Variants in NUDT4 observed in about 807,000 individuals in gnomAD.
The protein encoded by NUDT4 is diphosphoinositol polyphosphate phosphohydrolase 2.
In NUDT4, 5 loss-of-function variants were observed where a neutral mutation model predicts 23.1. That is an observed-to-expected ratio of 0.22 (90% CI 0.11 to 0.46). The LOEUF (loss-of-function observed/expected upper bound fraction) is 0.46, where lower values mean the gene tolerates loss of function less well. Ranked by LOEUF, NUDT4 falls within the 20% of genes least tolerant of loss-of-function variation. The probability of loss-of-function intolerance (pLI) is 0.99; values close to 1 mark genes in which losing one functional copy is unlikely to be tolerated. For missense variants in NUDT4, 96 were observed against 211.6 expected, an observed-to-expected ratio of 0.45 and a Z score of 3.39; for synonymous variants, 50 against 79.0, an observed-to-expected ratio of 0.63 and a Z score of 1.95.
intron 1 of NUDT4, among the ~76,000 whole-genome samples, chr12:93,382,830 T>C (rs1241716889): frequency 6.6e-6 from 1 of 151,966 alleles, no homozygotes; most frequent in Non-Finnish European, 1.5e-5. Context: ...CCTGGCTAAT[T>C]TTTTGTATTT....
At chr12:93,395,892 T>C (rs1160094835) in intron 3 of NUDT4, among the ~76,000 whole-genome samples, 3 of 152,166 alleles carry the variant, frequency 2.0e-5, no homozygotes, top group Admixed American at 6.5e-5. Flanking sequence ...AGCTAAGTTT[T>C]GTATTTTTAA....
chr12:93,386,713 T>G (rs1276863893), intron 1 of NUDT4, among the ~76,000 whole-genome samples: 1 of 152,142 alleles, frequency 6.6e-6, no homozygotes, highest in Non-Finnish European at 1.5e-5. Context: ...CTCCAAAATT[T>G]ATGTAAGAAA....
chr12:93,381,248 G>T (rs1426741595), intron 1 of NUDT4, among the ~76,000 whole-genome samples: 2 of 152,104 alleles, frequency 1.3e-5, no homozygotes, highest in Non-Finnish European at 2.9e-5. Context: ...TTGAGCTCTG[G>T]TCCTTTGTTT....
At chr12:93,382,584 G>A (rs1875749813) in intron 1 of NUDT4, among the ~76,000 whole-genome samples, 1 of 151,834 alleles carries the variant, frequency 6.6e-6, no homozygotes, top group Non-Finnish European at 1.5e-5. Flanking sequence ...CATACTCTGG[G>A]GCTCATAGTT....
intron 1 of NUDT4, among the ~76,000 whole-genome samples, chr12:93,379,639 A>C (rs1875505357): frequency 6.6e-6 from 1 of 152,156 alleles, no homozygotes; most frequent in African/African-American, 2.4e-5. Flanking sequence ...CTCACTCATA[A>C]CCTTTACGTA....
chr12:93,395,960 C>A (rs996321355), intron 3 of NUDT4, among the ~76,000 whole-genome samples: 18 of 152,266 alleles, frequency 1.2e-4, no homozygotes, highest in African/African-American at 4.1e-4. Flanking sequence ...ACCTAGTGAT[C>A]CGCCCACCTC....
rs372323321 is a variant in NUDT4 at position 93,405,226 on chromosome 12, C to G, written c.*5847C>G. 3 of 152,272 alleles carry G rather than the reference C, an allele frequency of 2.0e-5. No individual in the cohort carries two copies. In the South Asian group the frequency reaches 6.2e-4, roughly 32 times the overall value. 9.4% of individuals were successfully genotyped at this position (152,272 alleles called of 1,614,324 possible). On this transcript the variant is annotated 3_prime_UTR_variant, in exon 5 of 5. Coordinates refer to ENST00000415493, the MANE Select transcript of NUDT4 (RefSeq NM_019094.6). ...ACCTTAAGCCAGGAGACTTTGTAAACTTACTAGGTTATAATAAAACTTAAG... is the reference window on the plus strand; with the variant it reads ...ACCTTAAGCCAGGAGACTTTGTAAAGTTACTAGGTTATAATAAAACTTAAG...
intron 1 of NUDT4, among the ~76,000 whole-genome samples, chr12:93,392,341 C>T (rs1463820279): frequency 2.9e-4 from 44 of 149,582 alleles, no homozygotes; most frequent in South Asian, 8.6e-4. Flanking sequence ...CTGCAACCTC[C>T]GCCTCCCAGG....
chr12:93,395,470 T>G lies in NUDT4; in HGVS notation c.211-19T>G, dbSNP rs1876867949. The G allele has an allele frequency of 1.3e-6, 2 of 1,567,304 alleles. No homozygotes were observed. Among genetic ancestry groups the G allele is most frequent in the Admixed American group, 1.7e-5 (1 of 59,818 alleles). The stretch of plus-strand genomic sequence containing the variant: ...GTTATAAAAAGGTAAACATTTTATA[T>G]TTCATCTTTTTTTAATAGGCTGGAG... On this transcript the variant is annotated intron_variant, in intron 2 of 4. Transcript: ENST00000415493.
At chr12:93,387,530 T>C (rs993634617) in intron 1 of NUDT4, among the ~76,000 whole-genome samples, 2 of 152,212 alleles carry the variant, frequency 1.3e-5, no homozygotes, top group African/African-American at 2.4e-5. Flanking sequence ...CACTGAACAA[T>C]AGAGCAGGTG....
At chr12:93,392,370 C>T (rs556425129) in intron 1 of NUDT4, among the ~76,000 whole-genome samples, 82 of 150,800 alleles carry the variant, frequency 5.4e-4, no homozygotes, top group Non-Finnish European at 9.1e-4. Context: ...ATTCTCCTGC[C>T]ACAGCCTCCT....
chr12:93,403,318 CTTTT>C lies in NUDT4; in HGVS notation c.*3942_*3945del, dbSNP rs905417565. 17 of 151,936 alleles carry C rather than the reference CTTTT, an allele frequency of 1.1e-4. 1 individual carries two copies. Among genetic ancestry groups the C allele is most frequent in the South Asian group, 2.1e-4 (1 of 4,808 alleles). The allele number at this position is 151,936 out of a possible 1,614,324, so 9.4% of individuals were successfully genotyped here. The stretch of plus-strand genomic sequence containing the variant: ...GTGATTTATCTTGGTGTAGTTTTGG[CTTTT>C]TTGTTTGTTTTTTTGAGACAGCATC... On this transcript the variant is annotated 3_prime_UTR_variant, in exon 5 of 5. Coordinates refer to ENST00000415493, the MANE Select transcript of NUDT4 (RefSeq NM_019094.6).
At chr12:93,397,090 T>C (rs1876989217) in intron 3 of NUDT4, among the ~76,000 whole-genome samples, 1 of 152,218 alleles carries the variant, frequency 6.6e-6, no homozygotes, top group Admixed American at 6.5e-5. Flanking sequence ...TATTAAGTGC[T>C]TTACAAATAC....
chr12:93,402,565 G>A lies in NUDT4; in HGVS notation c.*3186G>A, dbSNP rs1434836269. The A allele has an allele frequency of 1.3e-5, 2 of 152,038 alleles. No homozygotes were observed. Among genetic ancestry groups the A allele is most frequent in the Admixed American group, 1.3e-4 (2 of 15,268 alleles). The allele number at this position is 152,038 out of a possible 1,614,324, so 9.4% of individuals were successfully genotyped here. A position where few individuals can be genotyped will look rare whatever the true frequency, so the allele number is the denominator to read the frequency against. ...GTTACCTCTTCCTAGCGGTACATTT[G>A]TATGATCCTTACTACTGGAATTACC... On this transcript the variant is annotated 3_prime_UTR_variant, in exon 5 of 5. Coordinates refer to ENST00000415493, the MANE Select transcript of NUDT4 (RefSeq NM_019094.6).
chr12:93,394,597 T>G lies in NUDT4; in HGVS notation c.100-12T>G. 6.6e-7 allele frequency: 1 copy of G among 1,507,804 alleles called. No homozygotes were observed. The highest frequency in any genetic ancestry group is 9.0e-7 in the Non-Finnish European group (1 of 1,107,224). 93.4% of individuals were successfully genotyped at this position (1,507,804 alleles called of 1,614,324 possible). On this transcript the variant is annotated splice_polypyrimidine_tract_variant and intron_variant, in intron 1 of 4. Transcript: ENST00000415493. Reference sequence around the variant, plus strand: ...TCAGGCTGGAAGTATACAGTTATGGTTCACCTTACAGGTGCTGCTGGTGAG... The same window carrying G: ...TCAGGCTGGAAGTATACAGTTATGGGTCACCTTACAGGTGCTGCTGGTGAG...
chr12:93,379,585 T>G (rs1875496924), intron 1 of NUDT4, among the ~76,000 whole-genome samples: 1 of 152,134 alleles, frequency 6.6e-6, no homozygotes, highest in Non-Finnish European at 1.5e-5. Flanking sequence ...TGCCTTTATT[T>G]TTTTTTGAAA....
At position 93,403,486 on chromosome 12, in the gene NUDT4, T is replaced by C. The variant is rs1426303596; in HGVS notation, c.*4107T>C. ...GGCGCCTGCCACCACGCCCGGCTAA[T>C]TTTTTTGTATTTTTAGTAGAGACGG... On this transcript the variant is annotated 3_prime_UTR_variant, in exon 5 of 5. Coordinates refer to ENST00000415493, the MANE Select transcript of NUDT4 (RefSeq NM_019094.6). 6.6e-6 allele frequency: 1 copy of C among 151,948 alleles called. No homozygotes were observed. Among genetic ancestry groups the C allele is most frequent in the African/African-American group, 2.4e-5 (1 of 41,356 alleles). The allele number at this position is 151,948 out of a possible 1,614,324, so 9.4% of individuals were successfully genotyped here.
In NUDT4 at chr12:93,404,919, T is replaced by A. The variant is rs546773313; in HGVS notation, c.*5540T>A. 25 of 150,946 alleles carry A rather than the reference T, an allele frequency of 1.7e-4. No individual in the cohort carries two copies. Among genetic ancestry groups the A allele is most frequent in the African/African-American group, 5.7e-4 (23 of 40,604 alleles). The allele number at this position is 150,946 out of a possible 1,614,324, so 9.4% of individuals were successfully genotyped here. A position where few individuals can be genotyped will look rare whatever the true frequency, so the allele number is the denominator to read the frequency against. ...TTTAATGTTTTAGGTTTTTTTTTTT[T>A]TAAAAAAAATACTATGCCCATTTGT... On this transcript the variant is annotated 3_prime_UTR_variant, in exon 5 of 5. Coordinates refer to ENST00000415493, the MANE Select transcript of NUDT4 (RefSeq NM_019094.6).
In NUDT4 at chr12:93,399,390, G is replaced by C; in HGVS notation, c.*11G>C. On this transcript the variant is annotated 3_prime_UTR_variant, in exon 5 of 5. Transcript: ENST00000415493. Reference sequence around the variant, plus strand: ...TCTAGTGTAAGATAGAGAGAACTGGGTAGGCCTCTCCCACCATGTGCAGTC... The same window carrying C: ...TCTAGTGTAAGATAGAGAGAACTGGCTAGGCCTCTCCCACCATGTGCAGTC... The C allele has an allele frequency of 1.6e-6, 1 of 643,530 alleles. No homozygotes were observed. The highest frequency in any genetic ancestry group is 2.7e-6 in the Non-Finnish European group (1 of 372,766). The allele number at this position is 643,530 out of a possible 1,614,324, so 39.9% of individuals were successfully genotyped here. A position where few individuals can be genotyped will look rare whatever the true frequency, so the allele number is the denominator to read the frequency against.
Sources: allele counts gnomAD v4.1 joint callset (sites outside exome capture counted in the v4.1 genomes callset), GRCh38; gene constraint gnomAD v4.1.1; transcripts MANE v1.5; gene names NCBI Gene and HGNC (gene_info 2026-07-23, HGNC 2026-07-21).